Variants in PHEX observed in about 807,000 individuals in gnomAD.
PHEX encodes phosphate-regulating neutral endopeptidase PHEX.
In PHEX, 16 loss-of-function variants were observed where a neutral mutation model predicts 68.0. The ratio of observed to expected loss-of-function variants is 0.24; its 90% CI spans 0.16 to 0.36. The LOEUF (loss-of-function observed/expected upper bound fraction) is 0.36. PHEX is among the 10% of genes least tolerant of loss of function. The pLI, the probability that PHEX is intolerant of heterozygous loss-of-function variation, is 1.00. For missense variants in PHEX, 480 were observed against 575.5 expected (o/e 0.83, Z 1.70); for synonymous variants, 208 against 205.1 (o/e 1.01, Z -0.12).
At chrX:22,081,407 C>T (rs1048438411) in intron 5 of PHEX, among the ~76,000 whole-genome samples, 2 of 111,815 alleles carry the variant, frequency 1.8e-5, no homozygotes, top group East Asian at 2.8e-4. Context: ...TTGAAAGATC[C>T]TCTTTCTGCT....
In PHEX at chrX:22,249,043, A is replaced by T. The variant is rs1444737219; in HGVS notation, c.*1090A>T. On this transcript the variant is annotated 3_prime_UTR_variant, in exon 22 of 22. Transcript: ENST00000379374. ...ACATTTTTGAAAAATTTCTTGACTG[A>T]TGACATTCTAGAATTTATTGATTCA... 1 of 110,322 alleles carries T rather than the reference A, an allele frequency of 9.1e-6. No homozygotes were observed. The highest frequency in any genetic ancestry group is 3.3e-5 in the African/African-American group (1 of 30,244). The allele number at this position is 110,322 out of a possible 1,213,427, so 9.1% of individuals were successfully genotyped here.
chrX:22,214,256 A>G (rs1935015728), intron 16 of PHEX, among the ~76,000 whole-genome samples: 1 of 111,329 alleles, frequency 9.0e-6, no homozygotes. Context: ...CCATAGTCAC[A>G]TCTCCTTCTG....
At chrX:22,158,406 T>C (rs963452169) in intron 12 of PHEX, among the ~76,000 whole-genome samples, 3 of 112,131 alleles carry the variant, frequency 2.7e-5, no homozygotes, top group African/African-American at 9.7e-5. Flanking sequence ...AGGGCAGTGA[T>C]CAGTTGTTCC....
chrX:22,106,060 A>G (rs1013457192), intron 9 of PHEX, among the ~76,000 whole-genome samples: 6 of 107,083 alleles, frequency 5.6e-5, no homozygotes, highest in Non-Finnish European at 1.2e-4. Flanking sequence ...GGAAATTACC[A>G]TATGGCTGAA....
At chrX:22,107,108 TCTC>T (rs1191215677) in intron 9 of PHEX, among the ~76,000 whole-genome samples, 3 of 111,900 alleles carry the variant, frequency 2.7e-5, no homozygotes, top group African/African-American at 9.7e-5. Context: ...AAGCCTGAAG[TCTC>T]CTCATATGTA....
In PHEX at chrX:22,248,143, A is replaced by G. The variant is rs1436354283; in HGVS notation, c.*190A>G. The G allele has an allele frequency of 2.8e-5, 12 of 434,109 alleles. No homozygotes were observed. The East Asian group carries it at 4.6e-4, about 17-fold the overall frequency. 35.8% of individuals were successfully genotyped at this position (434,109 alleles called of 1,213,427 possible). A position where few individuals can be genotyped will look rare whatever the true frequency, so the allele number is the denominator to read the frequency against. On this transcript the variant is annotated 3_prime_UTR_variant, in exon 22 of 22. Coordinates refer to ENST00000379374, the MANE Select transcript of PHEX (RefSeq NM_000444.6). ...TTGTAGGGCTTATAAAGTGGAATATAAGAATGAACTAAGTATGTTTCTTTA... is the reference window on the plus strand; with the variant it reads ...TTGTAGGGCTTATAAAGTGGAATATGAGAATGAACTAAGTATGTTTCTTTA...
chrX:22,097,806 CA>C, intron 8 of PHEX: 1 of 491,177 alleles, frequency 2.0e-6, no homozygotes, highest in Non-Finnish European at 2.5e-6. Context: ...CTTGCTGTGT[CA>C]TCCAGGCTGG....
At chrX:22,086,454 T>C (rs763898057) in intron 5 of PHEX, among the ~76,000 whole-genome samples, 303 of 112,269 alleles carry the variant, frequency 2.7e-3, no homozygotes, top group African/African-American at 8.9e-3. Context: ...ATCTCACTTT[T>C]TCCAGTGTAG....
chrX:22,235,138 C>T (rs187530547), intron 20 of PHEX, among the ~76,000 whole-genome samples: 89 of 111,860 alleles, frequency 8.0e-4, no homozygotes, highest in African/African-American at 2.5e-3. Context: ...GACCCTGCTT[C>T]GGCTTGCCCT....
chrX:22,036,721 T>C (rs1927035410), intron 1 of PHEX, among the ~76,000 whole-genome samples: 1 of 100,689 alleles, frequency 9.9e-6, no homozygotes, highest in South Asian at 4.4e-4. Flanking sequence ...ATATATATTT[T>C]TTTACATAAC....
rs759547057 is a variant in PHEX, at chrX:22,045,371, T to C, written c.188-1679T>C. On this transcript the variant is annotated intron_variant, in intron 2 of 21. Transcript: ENST00000379374. ...TATGAAAATTGCCCAGAATGTCATC[T>C]TTTCAATGTCATTAAAATATTGTCT... is the stretch of plus-strand genomic sequence containing the variant. 4.5e-5 allele frequency among the ~76,000 whole-genome samples: 5 copies of C among 111,626 alleles called. No homozygotes were observed. The East Asian group carries it at 1.1e-3, about 25-fold the overall frequency.
rs777998200 is a variant in PHEX, at chrX:22,230,100, A to G, written c.2070+2489A>G. On this transcript the variant is annotated intron_variant, in intron 20 of 21. Transcript: ENST00000379374. ...GGGCTCTGTTCTGTTCCATTGGTCT[A>G]TATATCTGTTTTGGTACCAGCACCA... Among the ~76,000 whole-genome samples the G allele has an allele frequency of 4.5e-5, 5 of 110,254 alleles. No individual in the cohort carries two copies. The East Asian group carries it at 1.4e-3, about 31-fold the overall frequency.
At chrX:22,086,666 CTG>C (rs1436925133) in intron 5 of PHEX, among the ~76,000 whole-genome samples, 5 of 110,888 alleles carry the variant, frequency 4.5e-5, no homozygotes, top group Admixed American at 1.9e-4. Flanking sequence ...TTTTAGTTTC[CTG>C]TGTATATGTT....
Position 22,249,578 on chromosome X carries a change from A to G in PHEX, c.*1625A>G, listed in dbSNP as rs1343004062. ...GGAGGGGCACCATCATGAGGAAACA[A>G]TTATACTGCATTAGTCAGAGGAGAG... On this transcript the variant is annotated 3_prime_UTR_variant, in exon 22 of 22. Coordinates refer to ENST00000379374, the MANE Select transcript of PHEX (RefSeq NM_000444.6). 4.9e-5 allele frequency: 5 copies of G among 101,451 alleles called. No individual in the cohort carries two copies. The highest frequency in any genetic ancestry group is 7.4e-5 in the African/African-American group (2 of 26,847). 8.4% of individuals were successfully genotyped at this position (101,451 alleles called of 1,213,427 possible). A position where few individuals can be genotyped will look rare whatever the true frequency, so the allele number is the denominator to read the frequency against.
At chrX:22,212,356 G>A (rs1039005056) in intron 15 of PHEX, among the ~76,000 whole-genome samples, 2 of 111,792 alleles carry the variant, frequency 1.8e-5, no homozygotes, top group Admixed American at 1.9e-4. Context: ...TGAATGCTGT[G>A]TGTAAATGGG....
intron 2 of PHEX, among the ~76,000 whole-genome samples, chrX:22,044,092 G>A (rs1927404376): frequency 9.0e-6 from 1 of 110,844 alleles, no homozygotes; most frequent in South Asian, 3.8e-4. Context: ...TTTTGTATCA[G>A]GGCCAAGGTC....
At chrX:22,050,583 A>AC (rs1490535574) in intron 3 of PHEX, among the ~76,000 whole-genome samples, 2 of 109,371 alleles carry the variant, frequency 1.8e-5, no homozygotes, top group African/African-American at 6.7e-5. Context: ...GAAAAAAAAA[A>AC]AAAAAAAAAA....
chrX:22,119,582 GTCTTTT>G (rs998244373), intron 11 of PHEX, among the ~76,000 whole-genome samples: 2 of 107,387 alleles, frequency 1.9e-5, no homozygotes, highest in African/African-American at 6.8e-5. Flanking sequence ...TAATACTCTT[GTCTTTT>G]TCTTTTTCTT....
At chrX:22,192,744 ATCC>A (rs1177682229) in intron 15 of PHEX, among the ~76,000 whole-genome samples, 2 of 111,827 alleles carry the variant, frequency 1.8e-5, no homozygotes, top group African/African-American at 6.5e-5. Context: ...TTAGGGAGGC[ATCC>A]TGCCTTCCCT....
Sources: allele counts gnomAD v4.1 joint callset (sites outside exome capture counted in the v4.1 genomes callset), GRCh38; gene constraint gnomAD v4.1.1; transcripts MANE v1.5; gene names NCBI Gene and HGNC (gene_info 2026-07-23, HGNC 2026-07-21).